TTC7A: variants seen among roughly 807,000 people sequenced by gnomAD.
TTC7A encodes tetratricopeptide repeat protein 7A.
In TTC7A, 110 loss-of-function variants were observed where a neutral mutation model predicts 103.7. The observed-to-expected ratio is 1.06, with a 90% CI of 0.91 to 1.24. TTC7A has a LOEUF of 1.24. Ranked by LOEUF, TTC7A falls within the 50% of genes most tolerant of loss-of-function variation. TTC7A has a pLI of 0.00. For missense variants in TTC7A, 1,340 were observed against 1,116.3 expected, an observed-to-expected ratio of 1.20 and a Z score of -2.86; for synonymous variants, 521 against 467.9, an observed-to-expected ratio of 1.11 and a Z score of -1.47.
chr2:47,070,948 C>T (rs1268555845), intron 19 of TTC7A, among the ~76,000 whole-genome samples: 1 of 152,224 alleles, frequency 6.6e-6, no homozygotes, highest in African/African-American at 2.4e-5. Context: ...GGTCTCCTCT[C>T]TCAGCGTGGG....
chr2:47,059,238 G>T lies in TTC7A; in HGVS notation c.2153-1531G>T, dbSNP rs561446245. 3.3e-5 allele frequency among the ~76,000 whole-genome samples: 5 copies of T among 151,756 alleles called. No individual in the cohort carries two copies. In the South Asian group the frequency reaches 1.0e-3, roughly 32 times the overall value. On this transcript the variant is annotated intron_variant, in intron 18 of 19. Coordinates refer to ENST00000319190, the MANE Select transcript of TTC7A (RefSeq NM_020458.4). ...GGGTTTCACCATCCTGGCCAGGCTG[G>T]TCTTGAACTCCTGACCTCGTGATCT...
At chr2:47,012,776 C>T (rs187705295) in intron 11 of TTC7A, among the ~76,000 whole-genome samples, 270 of 152,298 alleles carry the variant, frequency 1.8e-3, no homozygotes, top group African/African-American at 5.9e-3. Context: ...TCCTCCCAAG[C>T]ACAAAGAGGC....
intron 10 of TTC7A, among the ~76,000 whole-genome samples, chr2:47,009,008 C>T (rs1677735098): frequency 6.6e-6 from 1 of 151,862 alleles, no homozygotes; most frequent in African/African-American, 2.4e-5. Context: ...GGGTGGAATG[C>T]AGAGGGTCAG....
intron 1 of TTC7A, among the ~76,000 whole-genome samples, chr2:46,942,224 G>GT (rs1430086055): frequency 1.3e-5 from 2 of 152,222 alleles, no homozygotes; most frequent in East Asian, 3.9e-4. Flanking sequence ...GCCAGCCTCA[G>GT]TTTCCTCATC....
intron 1 of TTC7A, among the ~76,000 whole-genome samples, chr2:46,949,991 A>G (rs746237038): frequency 2.6e-4 from 40 of 152,214 alleles, no homozygotes; most frequent in Admixed American, 1.1e-3. Context: ...TTTCTCTTCA[A>G]TCATTTGGGG....
At chr2:46,974,843 G>A in intron 3 of TTC7A, 130 bp from the exon 4 acceptor site, 1 of 1,315,040 alleles carries the variant, frequency 7.6e-7, no homozygotes, top group Non-Finnish European at 1.0e-6. Context: ...CCCCTCCGCA[G>A]ACCTCCGCCT....
chr2:46,988,903 C>T (rs1489783914), intron 5 of TTC7A, among the ~76,000 whole-genome samples: 2 of 152,178 alleles, frequency 1.3e-5, no homozygotes, highest in East Asian at 3.8e-4. Context: ...AGGCATCTTC[C>T]AGGCTCTTTT....
At position 47,036,023 on chromosome 2, in the gene TTC7A, C is replaced by G. The variant is rs1681063571; in HGVS notation, c.1802+6639C>G. Reference sequence around the variant, plus strand: ...GTCTTCTTTTGGGAAGTTCTTCCACCCCTGAATGGCCATGAAAAGGCACTG... The same window carrying G: ...GTCTTCTTTTGGGAAGTTCTTCCACGCCTGAATGGCCATGAAAAGGCACTG... On this transcript the variant is annotated intron_variant, in intron 15 of 19. Coordinates refer to ENST00000319190, the MANE Select transcript of TTC7A (RefSeq NM_020458.4). Among the ~76,000 whole-genome samples the G allele has an allele frequency of 2.6e-5, 4 of 152,216 alleles. 1 individual carries two copies. The South Asian group carries it at 8.3e-4, about 32-fold the overall frequency.
At chr2:47,043,540 G>A (rs950917912) in intron 15 of TTC7A, among the ~76,000 whole-genome samples, 4 of 152,164 alleles carry the variant, frequency 2.6e-5, no homozygotes, top group Non-Finnish European at 5.9e-5. Context: ...TGGCAGGAAG[G>A]GAGGGTAGAG....
intron 8 of TTC7A, among the ~76,000 whole-genome samples, chr2:46,995,856 G>C (rs1676125043): frequency 1.3e-5 from 2 of 152,240 alleles, no homozygotes; most frequent in Admixed American, 6.5e-5. Context: ...CTAGTAAAGG[G>C]AAGCAGGCAG....
intron 18 of TTC7A, among the ~76,000 whole-genome samples, chr2:47,059,008 G>GTTTT (rs1683545267): frequency 1.1e-5 from 1 of 94,980 alleles, no homozygotes; most frequent in African/African-American, 6.0e-5. Context: ...TCCTAAGCCT[G>GTTTT]CTTTTTTTTT....
chr2:46,998,802 G>C (rs1676491577), intron 8 of TTC7A, among the ~76,000 whole-genome samples: 2 of 152,162 alleles, frequency 1.3e-5, no homozygotes, highest in African/African-American at 4.8e-5. Context: ...GTGTGGGGCT[G>C]CTACCTTGGA....
chr2:46,982,024 C>T (rs889961146), intron 5 of TTC7A, among the ~76,000 whole-genome samples: 2 of 152,174 alleles, frequency 1.3e-5, no homozygotes, highest in Admixed American at 1.3e-4. Context: ...TCCACCCTGC[C>T]CTTGCGGTTG....
At chr2:47,003,961 C>G (rs1677111082) in intron 8 of TTC7A, among the ~76,000 whole-genome samples, 1 of 152,184 alleles carries the variant, frequency 6.6e-6, no homozygotes, top group African/African-American at 2.4e-5. Context: ...CCTGCCAACC[C>G]TCTCCCTAGA....
upstream of TTC7A, among the ~76,000 whole-genome samples, chr2:46,939,799 C>G (rs1670180832): frequency 6.6e-6 from 1 of 152,194 alleles, no homozygotes; most frequent in South Asian, 2.1e-4. Context: ...TCAAAGGCAG[C>G]CAAAGGGTAA....
intron 19 of TTC7A, 35 bp from the exon 20 acceptor site, chr2:47,073,667 A>C (rs1573116369): frequency 6.3e-7 from 1 of 1,595,108 alleles, no homozygotes. Context: ...GCCATGGGAC[A>C]CCCCTACTCA....
intron 19 of TTC7A, among the ~76,000 whole-genome samples, chr2:47,064,683 G>A (rs1386538626): frequency 6.6e-6 from 1 of 152,156 alleles, no homozygotes; most frequent in Non-Finnish European, 1.5e-5. Flanking sequence ...TCCCAACAGT[G>A]ACTGGTGGAA....
At chr2:47,015,875 C>T (rs1678598031) in intron 11 of TTC7A, among the ~76,000 whole-genome samples, 1 of 152,158 alleles carries the variant, frequency 6.6e-6, no homozygotes, top group East Asian at 1.9e-4. Flanking sequence ...GTGCCTACTA[C>T]TCCTCCCAGG....
In TTC7A at chr2:46,941,667, C is replaced by T. The variant is rs1365297024; in HGVS notation, c.126C>T (p.Pro42=). 1.3e-6 allele frequency: 2 copies of T among 1,551,896 alleles called. No homozygotes were observed. The highest frequency in any genetic ancestry group is 8.7e-7 in the Non-Finnish European group (1 of 1,148,024). The change falls in exon 1 of 20, where the codon CCC becomes CCT. Residue 42 remains proline, a synonymous_variant. Transcript: ENST00000319190. This position sits in a 1 kb window ranked among gnomAD's most constrained non-coding sequence, Gnocchi z 4.2. ...LVRQLQTLSM[P]GGGGNRRGSP... ...GGCAGCTGCAGACGCTGAGCATGCC[C>T]GGCGGCGGAGGTAACAGGCGAGGCA...
Sources: gnomAD v4.1 joint callset for allele counts (sites outside exome capture counted in the v4.1 genomes callset) on GRCh38, gnomAD v4.1.1 for gene constraint, Gnocchi (gnomAD v3.1) non-coding constraint, MANE v1.5 for transcripts, NCBI Gene and HGNC (gene_info 2026-07-23, HGNC 2026-07-21) for gene names.